UTRN: variants seen among roughly 807,000 people sequenced by gnomAD.
UTRN encodes the protein utrophin, also known as dystrophin-related protein 1.
In UTRN, 283 loss-of-function variants were observed where a neutral mutation model predicts 463.9. The ratio of observed to expected loss-of-function variants is 0.61; its 90% CI spans 0.55 to 0.67. The LOEUF (loss-of-function observed/expected upper bound fraction) is 0.67. Among genes scored for constraint, UTRN ranks in the 30% least tolerant of loss-of-function variants. UTRN has a pLI of 0.00. For synonymous variants in UTRN, 1,442 were observed against 1,431.5 expected, an observed-to-expected ratio of 1.01 and a Z score of -0.17; for missense variants, 3,922 against 4,084.3, an observed-to-expected ratio of 0.96 and a Z score of 1.08.
At chr6:144,318,506 C>G (rs1414372580) in intron 2 of UTRN, among the ~76,000 whole-genome samples, 1 of 152,086 alleles carries the variant, frequency 6.6e-6, no homozygotes, top group Non-Finnish European at 1.5e-5. Flanking sequence ...CTCTATCGCC[C>G]AGGCTGGAGT....
intron 51 of UTRN, among the ~76,000 whole-genome samples, chr6:144,635,286 G>A (rs1777000718): frequency 6.6e-6 from 1 of 151,408 alleles, no homozygotes; most frequent in East Asian, 1.9e-4. Flanking sequence ...AAGTAGCTGG[G>A]ACCACAGGCA....
intron 51 of UTRN, among the ~76,000 whole-genome samples, chr6:144,597,267 C>G (rs1803758262): frequency 6.6e-6 from 1 of 150,462 alleles, no homozygotes; most frequent in African/African-American, 2.4e-5. Context: ...CTTAACTTAC[C>G]TGGCAATAAA....
chr6:144,632,770 G>A (rs1425673040), intron 51 of UTRN, among the ~76,000 whole-genome samples: 1 of 149,482 alleles, frequency 6.7e-6, no homozygotes, highest in Non-Finnish European at 1.5e-5. Context: ...TGCCTAGGCT[G>A]GAGTGCAATG....
intron 65 of UTRN, among the ~76,000 whole-genome samples, chr6:144,804,039 T>A (rs147772757): frequency 1.3e-5 from 2 of 152,286 alleles, no homozygotes; most frequent in Non-Finnish European, 2.9e-5. Flanking sequence ...TTTCCTGAAG[T>A]TATCCTCATG....
chr6:144,748,521 A>G lies in UTRN; in HGVS notation c.8208+7A>G. 1 of 1,606,378 alleles carries G rather than the reference A, an allele frequency of 6.2e-7. No homozygotes were observed. Among genetic ancestry groups the G allele is most frequent in the Non-Finnish European group, 8.5e-7 (1 of 1,177,340 alleles). On this transcript the variant is annotated splice_region_variant and intron_variant, in intron 55 of 74. Transcript: ENST00000367545. ...TCACATTGAAAAAATCATGGTCAGCATCATTGTCTTTGAAGGATTTTTAAG... is the reference window on the plus strand; with the variant it reads ...TCACATTGAAAAAATCATGGTCAGCGTCATTGTCTTTGAAGGATTTTTAAG...
chr6:144,413,868 A>G (rs139915313), intron 3 of UTRN, among the ~76,000 whole-genome samples: 2,179 of 152,204 alleles, frequency 0.014, 24 homozygotes, highest in Non-Finnish European at 0.019. Context: ...CAGAGATACA[A>G]TTATGGCTCA....
chr6:144,836,264 G>C (rs116948114), intron 70 of UTRN, 37 bp from the exon 71 acceptor site: 1 of 1,613,016 alleles, frequency 6.2e-7, no homozygotes, highest in East Asian at 2.2e-5. Context: ...GATAATGCAC[G>C]TGGTAGTCAT....
At chr6:144,728,810 GTAA>G (rs1788197921) in intron 53 of UTRN, among the ~76,000 whole-genome samples, 3 of 152,054 alleles carry the variant, frequency 2.0e-5, no homozygotes, top group African/African-American at 7.2e-5. Context: ...TTTTATCAAA[GTAA>G]TAATTGTATA....
At chr6:144,406,441 C>A (rs1783424197) in intron 3 of UTRN, among the ~76,000 whole-genome samples, 1 of 148,964 alleles carries the variant, frequency 6.7e-6, no homozygotes, top group African/African-American at 2.5e-5. Context: ...CTCATTGCAG[C>A]CTGCAGCCTC....
At chr6:144,789,309 G>T (rs1335966891) in intron 62 of UTRN, 30 bp downstream of exon 62, 2 of 1,495,342 alleles carry the variant, frequency 1.3e-6, no homozygotes, top group South Asian at 2.4e-5. Flanking sequence ...TACCAACAGT[G>T]TTTTTAGTAA....
intron 50 of UTRN, among the ~76,000 whole-genome samples, chr6:144,565,630 G>T (rs944392058): frequency 6.6e-6 from 1 of 152,152 alleles, no homozygotes; most frequent in South Asian, 2.1e-4. Flanking sequence ...TAGAGGAAAT[G>T]GAGAGAGGAG....
intron 47 of UTRN, 103 bp from the exon 48 acceptor site, chr6:144,550,862 A>T (rs1798845624): frequency 1.1e-6 from 1 of 941,648 alleles, no homozygotes; most frequent in Non-Finnish European, 1.5e-6. Context: ...TATGCCATAG[A>T]GGAGGAAAAC....
chr6:144,520,504 T>A (rs1795994276), intron 39 of UTRN, among the ~76,000 whole-genome samples: 1 of 152,218 alleles, frequency 6.6e-6, no homozygotes, highest in African/African-American at 2.4e-5. Flanking sequence ...GATAATAAAA[T>A]TAATCTTGGA....
At chr6:144,550,905 G>A in intron 47 of UTRN, 60 bp from the exon 48 acceptor site, 1 of 1,413,210 alleles carries the variant, frequency 7.1e-7, no homozygotes, top group Non-Finnish European at 9.5e-7. Context: ...CAACTGTTTT[G>A]CTTATTATTC....
chr6:144,427,469 G>A (rs527748760), intron 7 of UTRN, among the ~76,000 whole-genome samples: 1 of 152,248 alleles, frequency 6.6e-6, no homozygotes. Context: ...CTTGGAGGAG[G>A]AGGGATTAGA....
chr6:144,563,466 G>A (rs1284984204), intron 50 of UTRN, among the ~76,000 whole-genome samples: 1 of 152,124 alleles, frequency 6.6e-6, no homozygotes, highest in Non-Finnish European at 1.5e-5. Flanking sequence ...ATATCAGCCA[G>A]GCTCAACCTT....
chr6:144,497,513 C>CAAA (rs527551923), intron 33 of UTRN, among the ~76,000 whole-genome samples: 17,535 of 110,318 alleles, frequency 0.16, 1,535 homozygotes, highest in South Asian at 0.33. Context: ...CGTCTCTACT[C>CAAA]AAAAAAAAAA....
At chr6:144,777,215 T>G (rs1775407212) in intron 60 of UTRN, among the ~76,000 whole-genome samples, 1 of 152,142 alleles carries the variant, frequency 6.6e-6, no homozygotes, top group Non-Finnish European at 1.5e-5. Flanking sequence ...CCAAGGAGAT[T>G]TATAGCAGTA....
intron 50 of UTRN, among the ~76,000 whole-genome samples, chr6:144,565,407 A>G (rs555937565): frequency 6.6e-6 from 1 of 152,312 alleles, no homozygotes; most frequent in African/African-American, 2.4e-5. Context: ...CAGCATTCAC[A>G]TTGGAGGTTG....
Sources: allele counts gnomAD v4.1 joint callset (sites outside exome capture counted in the v4.1 genomes callset), GRCh38; gene constraint gnomAD v4.1.1; transcripts MANE v1.5; gene names NCBI Gene and HGNC (gene_info 2026-07-23, HGNC 2026-07-21).